Variants in SHISA9 observed in about 807,000 individuals in gnomAD.
SHISA9 encodes protein shisa-9.
Under a neutral mutation model 38.0 loss-of-function variants are expected in SHISA9, and 13 were observed. The observed-to-expected ratio is 0.34, with a 90% CI of 0.22 to 0.54. The LOEUF (loss-of-function observed/expected upper bound fraction) is 0.54. Among genes scored for constraint, SHISA9 ranks in the 20% least tolerant of loss-of-function variants. The pLI is 0.91. For synonymous variants in SHISA9, 275 were observed against 242.0 expected, an observed-to-expected ratio of 1.14 and a Z score of -1.27; for missense variants, 538 against 575.8, an observed-to-expected ratio of 0.93 and a Z score of 0.67.
At chr16:12,920,826 A>G (rs1329141515) in intron 2 of SHISA9, among the ~76,000 whole-genome samples, 1 of 152,166 alleles carries the variant, frequency 6.6e-6, no homozygotes, top group Non-Finnish European at 1.5e-5. Context: ...CTTCACTAAT[A>G]TTCCTTTTCT....
At chr16:13,476,738 G>GTTT in the SHISA9 span, among the ~76,000 whole-genome samples, 3,224 of 65,204 alleles carry the variant, frequency 0.049, 596 homozygotes, top group Non-Finnish European at 0.072. Flanking sequence ...CCTGTTTTGT[G>GTTT]TTTTTTTTTT....
chr16:13,021,589 G>C (rs1285552050), intron 2 of SHISA9, among the ~76,000 whole-genome samples: 8 of 152,256 alleles, frequency 5.3e-5, no homozygotes, highest in Middle Eastern at 3.4e-3. Flanking sequence ...TTCATAAAAG[G>C]CAGGAAGGCC....
At chr16:13,200,440 A>ACACAG (rs201359350) in intron 2 of SHISA9, among the ~76,000 whole-genome samples, 7 of 150,036 alleles carry the variant, frequency 4.7e-5, no homozygotes, top group African/African-American at 1.7e-4. Context: ...ACACACACAC[A>ACACAG]CAGCAGCAGC....
At chr16:13,349,598 A>T in the SHISA9 span, among the ~76,000 whole-genome samples, 1 of 152,358 alleles carries the variant, frequency 6.6e-6, no homozygotes. Context: ...TAGCATGATT[A>T]GATGTTTTCA....
intron 1 of SHISA9, chr16:12,910,768 C>A: frequency 1.0e-6 from 1 of 967,952 alleles, no homozygotes; most frequent in Non-Finnish European, 1.2e-6. Context: ...AACAAATATA[C>A]AAAGAGATTC....
intron 2 of SHISA9, among the ~76,000 whole-genome samples, chr16:13,165,556 G>T (rs1395571599): frequency 2.0e-5 from 3 of 152,312 alleles, no homozygotes; most frequent in Non-Finnish European, 2.9e-5. Flanking sequence ...CTGAGACTTA[G>T]GAAACTTCCT....
intron 2 of SHISA9, among the ~76,000 whole-genome samples, chr16:13,150,046 A>AC (rs1300655911): frequency 2.7e-5 from 4 of 149,938 alleles, no homozygotes; most frequent in Non-Finnish European, 5.9e-5. Flanking sequence ...AAAAAAAAAA[A>AC]AAAAAAAAAC....
At chr16:13,383,753 C>T in the SHISA9 span, among the ~76,000 whole-genome samples, 4 of 152,152 alleles carry the variant, frequency 2.6e-5, no homozygotes, top group African/African-American at 2.4e-5. Flanking sequence ...CAGGCTCAAG[C>T]GATCTTCCCA....
At chr16:13,522,497 T>C in the SHISA9 span, among the ~76,000 whole-genome samples, 1 of 151,074 alleles carries the variant, frequency 6.6e-6, no homozygotes, top group South Asian at 2.1e-4. Context: ...CAGTGAGGAG[T>C]CCCCCCCCGA....
chr16:13,261,954 G>T, the SHISA9 span, among the ~76,000 whole-genome samples: 4 of 152,176 alleles, frequency 2.6e-5, no homozygotes, highest in Non-Finnish European at 5.9e-5. Context: ...CTGCTGGCAG[G>T]TGTATCCTGC....
At chr16:13,253,845 C>T in the SHISA9 span, among the ~76,000 whole-genome samples, 23 of 152,042 alleles carry the variant, frequency 1.5e-4, no homozygotes, top group East Asian at 1.9e-3. Context: ...ACATTTCATC[C>T]AATTTATTTT....
chr16:13,357,270 T>C, the SHISA9 span, among the ~76,000 whole-genome samples: 4 of 152,274 alleles, frequency 2.6e-5, no homozygotes, highest in South Asian at 8.3e-4. Flanking sequence ...AGTTTTGGGT[T>C]CACGGATAAA....
chr16:13,146,076 T>C (rs1349197758), intron 2 of SHISA9, among the ~76,000 whole-genome samples: 1 of 152,192 alleles, frequency 6.6e-6, no homozygotes. Flanking sequence ...TGGTCCCGGC[T>C]ACTTGGGAGG....
At chr16:13,249,725 C>T in the SHISA9 span, among the ~76,000 whole-genome samples, 1 of 151,972 alleles carries the variant, frequency 6.6e-6, no homozygotes, top group South Asian at 2.1e-4. Flanking sequence ...TTGATCTCCA[C>T]CTTTCTTTTA....
At chr16:13,476,689 T>C in the SHISA9 span, among the ~76,000 whole-genome samples, 2 of 151,658 alleles carry the variant, frequency 1.3e-5, no homozygotes, top group Non-Finnish European at 2.9e-5. Context: ...TAGCCCCTCT[T>C]GTTCTTTGAC....
At chr16:13,282,362 CAGTAA>C in the SHISA9 span, among the ~76,000 whole-genome samples, 1 of 151,910 alleles carries the variant, frequency 6.6e-6, no homozygotes, top group Non-Finnish European at 1.5e-5. Context: ...GACAAAAAGT[CAGTAA>C]TATTTTTTAC....
At chr16:13,255,443 T>A in the SHISA9 span, among the ~76,000 whole-genome samples, 1 of 152,230 alleles carries the variant, frequency 6.6e-6, no homozygotes, top group Non-Finnish European at 1.5e-5. Flanking sequence ...TTCATATACA[T>A]ACAAAGGATT....
At chr16:13,031,424 G>T (rs1029646419) in intron 2 of SHISA9, among the ~76,000 whole-genome samples, 2 of 152,196 alleles carry the variant, frequency 1.3e-5, no homozygotes, top group African/African-American at 4.8e-5. Context: ...TGGGATGCCT[G>T]AGGTAGAGTG....
At chr16:13,401,448 A>G in the SHISA9 span, among the ~76,000 whole-genome samples, 1 of 152,206 alleles carries the variant, frequency 6.6e-6, no homozygotes, top group Non-Finnish European at 1.5e-5. Flanking sequence ...GCTATGGGCT[A>G]AATGTCTGTG....
Sources: allele counts gnomAD v4.1 joint callset (sites outside exome capture counted in the v4.1 genomes callset), GRCh38; gene constraint gnomAD v4.1.1; transcripts MANE v1.5; gene names NCBI Gene and HGNC (gene_info 2026-07-23, HGNC 2026-07-21).